CNTN6: variants seen among roughly 807,000 people sequenced by gnomAD.
The protein encoded by CNTN6 is contactin 6, also known as contactin-6.
CNTN6 carries 137 observed loss-of-function variants against 122.8 expected under a neutral mutation model. The observed-to-expected ratio is 1.12, with a 90% CI of 0.97 to 1.29. The LOEUF (loss-of-function observed/expected upper bound fraction) is 1.29. Ranked by LOEUF, CNTN6 falls within the 50% of genes most tolerant of loss-of-function variation. The pLI is 0.00. For missense variants in CNTN6, 1,634 were observed against 1,223.4 expected, an observed-to-expected ratio of 1.34 and a Z score of -5.01; for synonymous variants, 570 against 426.0, an observed-to-expected ratio of 1.34 and a Z score of -4.16.
intron 7 of CNTN6, among the ~76,000 whole-genome samples, chr3:1,311,817 G>A (rs1197536357): frequency 6.6e-6 from 1 of 151,562 alleles, no homozygotes; most frequent in Non-Finnish European, 1.5e-5. Context: ...AATATACCAT[G>A]AACATATATG....
intron 2 of CNTN6, among the ~76,000 whole-genome samples, chr3:1,191,735 G>C (rs2093705638): frequency 6.6e-6 from 1 of 152,056 alleles, no homozygotes. Context: ...TGTTCTTGTG[G>C]GATTGAACTC....
chr3:1,325,120 A>T (rs1320505069), intron 8 of CNTN6, among the ~76,000 whole-genome samples: 1 of 151,832 alleles, frequency 6.6e-6, no homozygotes, highest in Admixed American at 6.6e-5. Context: ...GATGGTAAAA[A>T]TAATACAATC....
intron 2 of CNTN6, among the ~76,000 whole-genome samples, chr3:1,148,845 G>A (rs190823928): frequency 1.2e-3 from 181 of 152,218 alleles, no homozygotes; most frequent in African/African-American, 4.2e-3. Flanking sequence ...TAGAACATTC[G>A]TAACTGAGAC....
At chr3:1,275,970 C>T (rs2125778327) in intron 4 of CNTN6, among the ~76,000 whole-genome samples, 1 of 152,226 alleles carries the variant, frequency 6.6e-6, no homozygotes, top group Middle Eastern at 3.4e-3. Context: ...ATGGATAATA[C>T]AAATTTAATA....
intron 20 of CNTN6, among the ~76,000 whole-genome samples, chr3:1,390,656 C>A (rs1490150329): frequency 1.3e-5 from 2 of 152,054 alleles, no homozygotes. Context: ...AATTGATAGA[C>A]CGCTAGCAAG....
At chr3:1,150,050 T>C (rs1412820956) in intron 2 of CNTN6, among the ~76,000 whole-genome samples, 1 of 143,194 alleles carries the variant, frequency 7.0e-6, no homozygotes, top group East Asian at 2.0e-4. Flanking sequence ...AAAGAACAGA[T>C]TGGATCTATT....
chr3:1,332,260 A>G (rs1476334851), intron 11 of CNTN6, among the ~76,000 whole-genome samples: 1 of 151,960 alleles, frequency 6.6e-6, no homozygotes, highest in African/African-American at 2.4e-5. Context: ...TCACACAGTT[A>G]ACTCCATGAG....
intron 8 of CNTN6, among the ~76,000 whole-genome samples, chr3:1,323,042 A>T (rs1041249563): frequency 1.3e-5 from 2 of 151,754 alleles, no homozygotes; most frequent in African/African-American, 4.8e-5. Flanking sequence ...ATAGACAAAG[A>T]TATAATCAAG....
chr3:1,331,379 C>A (rs1428953025), intron 11 of CNTN6, among the ~76,000 whole-genome samples: 1 of 151,882 alleles, frequency 6.6e-6, no homozygotes, highest in African/African-American at 2.4e-5. Flanking sequence ...TAAAGCGTTA[C>A]CAGCTTTACA....
intron 1 of CNTN6, among the ~76,000 whole-genome samples, chr3:1,114,284 T>G (rs1438341980): frequency 6.6e-6 from 1 of 152,182 alleles, no homozygotes; most frequent in Non-Finnish European, 1.5e-5. Flanking sequence ...AGTGTGGGCC[T>G]CTTTCCTATT....
At position 1,385,754 on chromosome 3, in the gene CNTN6, A is replaced by G. The variant is rs753380281; in HGVS notation, c.2661A>G (p.Thr887=). The G allele has an allele frequency of 2.5e-6, 4 of 1,613,550 alleles. No homozygotes were observed. Among genetic ancestry groups the G allele is most frequent in the South Asian group, 2.2e-5 (2 of 90,986 alleles). Residue 887 remains threonine, a synonymous_variant, in exon 20 of 23, where the codon ACA becomes ACG. Transcript: ENST00000446702. ...TAAGAGCTTACAACACTGCTGGGAC[A>G]GGGCCCTCAAGCCCCCCAGTCAATG... The part of the protein sequence containing the change: ...ASVRAYNTAG[T]GPSSPPVNVT...
At chr3:1,262,560 T>C (rs1015188389) in intron 4 of CNTN6, among the ~76,000 whole-genome samples, 2 of 152,178 alleles carry the variant, frequency 1.3e-5, no homozygotes, top group African/African-American at 4.8e-5. Context: ...TTTCATTTCC[T>C]GGCATGTAAA....
At chr3:1,117,311 C>T (rs768033385) in intron 1 of CNTN6, among the ~76,000 whole-genome samples, 5 of 151,958 alleles carry the variant, frequency 3.3e-5, no homozygotes, top group Non-Finnish European at 5.9e-5. Context: ...AACATGGTAG[C>T]CAGAGAGGTA....
intron 4 of CNTN6, among the ~76,000 whole-genome samples, chr3:1,267,122 G>A (rs532360063): frequency 2.6e-5 from 4 of 151,976 alleles, no homozygotes; most frequent in African/African-American, 4.8e-5. Context: ...CCTACCACCT[G>A]CTAAGACTTA....
chr3:1,300,791 T>TTCTC (rs573219790), intron 7 of CNTN6, among the ~76,000 whole-genome samples: 4 of 151,130 alleles, frequency 2.6e-5, no homozygotes, highest in African/African-American at 9.7e-5. Context: ...TACATTCCCT[T>TTCTC]TCTCTCTCTC....
intron 7 of CNTN6, among the ~76,000 whole-genome samples, chr3:1,310,003 A>G (rs1461382678): frequency 6.6e-6 from 1 of 152,234 alleles, no homozygotes; most frequent in Non-Finnish European, 1.5e-5. Flanking sequence ...GCCTTGCTAT[A>G]AGCACTTATT....
chr3:1,348,847 C>G (rs767286567), intron 11 of CNTN6, among the ~76,000 whole-genome samples: 19 of 151,926 alleles, frequency 1.3e-4, no homozygotes, highest in Admixed American at 2.0e-4. Context: ...AGAAGTTTGT[C>G]TTAAGCATTC....
chr3:1,160,357 TATATATATATAC>T (rs987413272), intron 2 of CNTN6, among the ~76,000 whole-genome samples: 1 of 143,206 alleles, frequency 7.0e-6, no homozygotes, highest in Non-Finnish European at 1.5e-5. Context: ...TATATATATA[TATATATATATAC>T]ACACTACCTA....
intron 2 of CNTN6, among the ~76,000 whole-genome samples, chr3:1,198,731 AAAAAAG>A (rs1443645787): frequency 1.3e-5 from 2 of 152,024 alleles, no homozygotes; most frequent in East Asian, 1.9e-4. Flanking sequence ...AAACAAAAAA[AAAAAAG>A]AAAGAAAGAA....
Sources: allele counts gnomAD v4.1 joint callset (sites outside exome capture counted in the v4.1 genomes callset), GRCh38; gene constraint gnomAD v4.1.1; transcripts MANE v1.5; gene names NCBI Gene and HGNC (gene_info 2026-07-23, HGNC 2026-07-21).